The following TTC17 variants were observed in gnomAD, a reference collection of about 807,000 sequenced individuals.
TTC17 encodes tetratricopeptide repeat protein 17.
In TTC17, 58 loss-of-function variants were observed where a neutral mutation model predicts 143.8. That is an observed-to-expected ratio of 0.40 (90% CI 0.33 to 0.50). The LOEUF (loss-of-function observed/expected upper bound fraction) is 0.50, where lower values mean the gene tolerates loss of function less well. Among genes scored for constraint, TTC17 ranks in the 20% least tolerant of loss-of-function variants. TTC17 has a pLI of 0.49. For synonymous variants in TTC17, 501 were observed against 497.8 expected, an observed-to-expected ratio of 1.01 and a Z score of -0.09; for missense variants, 1,273 against 1,392.5, an observed-to-expected ratio of 0.91 and a Z score of 1.37.
intron 1 of TTC17, among the ~76,000 whole-genome samples, chr11:43,370,832 A>T (rs1421511239): frequency 6.9e-6 from 1 of 145,982 alleles, no homozygotes; most frequent in Non-Finnish European, 1.5e-5. Flanking sequence ...TTGTTTTAAG[A>T]TGGAGTCTCT....
chr11:43,407,052 A>G (rs901817991), intron 13 of TTC17, 86 bp from the exon 14 acceptor site: 15 of 706,900 alleles, frequency 2.1e-5, no homozygotes, highest in Non-Finnish European at 3.4e-5. Flanking sequence ...TGAGGAGCTT[A>G]AGAAAAGACT....
intron 1 of TTC17, among the ~76,000 whole-genome samples, chr11:43,367,558 G>T (rs543097415): frequency 6.6e-6 from 1 of 152,152 alleles, no homozygotes; most frequent in Non-Finnish European, 1.5e-5. Flanking sequence ...AACAGAAGGC[G>T]CTCTGATAGT....
At chr11:43,364,068 T>TG in intron 1 of TTC17, among the ~76,000 whole-genome samples, 1 of 146,788 alleles carries the variant, frequency 6.8e-6, no homozygotes, top group Non-Finnish European at 1.5e-5. Flanking sequence ...TTTTTTTTTT[T>TG]TTTTTGAGAC....
At chr11:43,389,479 C>G (rs1857296344) in intron 2 of TTC17, among the ~76,000 whole-genome samples, 173 bp from the exon 3 acceptor site, 1 of 152,124 alleles carries the variant, frequency 6.6e-6, no homozygotes, top group African/African-American at 2.4e-5. Flanking sequence ...ATGTGGACAT[C>G]TTTTTTGAGA....
At chr11:43,476,463 T>C (rs1002065767) in intron 21 of TTC17, among the ~76,000 whole-genome samples, 1 of 152,214 alleles carries the variant, frequency 6.6e-6, no homozygotes, top group East Asian at 1.9e-4. Flanking sequence ...GATAAAGACA[T>C]ACCTGAAACT....
In TTC17 at chr11:43,407,465, T is replaced by G; in HGVS notation, c.1952T>G (p.Leu651Arg). Residue 651 changes from leucine to arginine, a missense_variant, in exon 15 of 24, where the codon CTT becomes CGT. By Grantham distance (102) the Leu-to-Arg change is moderately radical (BLOSUM62 -2). This residue lies in a region of TTC17 where 878 missense variants were observed against 899.8 expected (regional missense o/e 0.98). Transcript: ENST00000039989. The stretch of plus-strand genomic sequence containing the variant: ...CAGAGGGCTTTGAATTTAGCTCCAC[T>G]TCAATACCAAGATGTTCCTCTTGTC... ...CLQRALNLAP[L>R]QYQDVPLVNL... 6.2e-7 allele frequency: 1 copy of G among 1,614,050 alleles called. No individual in the cohort carries two copies. The highest frequency in any genetic ancestry group is 8.5e-7 in the Non-Finnish European group (1 of 1,179,978).
At chr11:43,371,264 C>T (rs1393510143) in intron 1 of TTC17, among the ~76,000 whole-genome samples, 1 of 152,184 alleles carries the variant, frequency 6.6e-6, no homozygotes, top group East Asian at 1.9e-4. Context: ...ACATTGTCTA[C>T]CTGGCAGTGG....
At chr11:43,406,491 A>G (rs1411763734) in intron 13 of TTC17, among the ~76,000 whole-genome samples, 1 of 152,212 alleles carries the variant, frequency 6.6e-6, no homozygotes, top group African/African-American at 2.4e-5. Flanking sequence ...GTATATTACC[A>G]TATTAGATAT....
chr11:43,364,746 G>T (rs1184176859), intron 1 of TTC17, among the ~76,000 whole-genome samples: 1 of 152,146 alleles, frequency 6.6e-6, no homozygotes, highest in Admixed American at 6.5e-5. Context: ...GCTTGGAAAT[G>T]TACAGAAATA....
intron 21 of TTC17, among the ~76,000 whole-genome samples, chr11:43,459,950 G>A (rs909101565): frequency 1.3e-5 from 2 of 152,160 alleles, no homozygotes; most frequent in Non-Finnish European, 2.9e-5. Context: ...TAGGTTACGT[G>A]TACTATTCAA....
intron 16 of TTC17, among the ~76,000 whole-genome samples, chr11:43,434,108 G>C (rs918501170): frequency 6.6e-6 from 1 of 151,400 alleles, no homozygotes; most frequent in African/African-American, 2.4e-5. Flanking sequence ...GGAGAATCTG[G>C]AGAAAGAAAG....
At chr11:43,466,754 C>A (rs1052746722) in intron 21 of TTC17, 2 of 310,820 alleles carry the variant, frequency 6.4e-6, no homozygotes, top group Admixed American at 6.6e-5. Flanking sequence ...GGTGGGATGG[C>A]AAGCATGTGA....
At chr11:43,462,066 TAAG>T (rs1261277054) in intron 21 of TTC17, among the ~76,000 whole-genome samples, 1 of 145,556 alleles carries the variant, frequency 6.9e-6, no homozygotes, top group Non-Finnish European at 1.5e-5. Context: ...CTGTGTAACT[TAAG>T]AATTAAATGT....
At chr11:43,366,753 C>G (rs930511534) in intron 1 of TTC17, among the ~76,000 whole-genome samples, 4 of 152,112 alleles carry the variant, frequency 2.6e-5, no homozygotes, top group African/African-American at 4.8e-5. Flanking sequence ...TGACCTGGCC[C>G]TTCCTCTCTA....
chr11:43,366,869 ACTT>A lies in TTC17; in HGVS notation c.159+7762_159+7764del, dbSNP rs1271848354. On this transcript the variant is annotated intron_variant, in intron 1 of 23. Coordinates refer to ENST00000039989, the MANE Select transcript of TTC17 (RefSeq NM_018259.6). The stretch of plus-strand genomic sequence containing the variant: ...GCATCCCCAAATATGCCGTGTTCTC[ACTT>A]CTTCTGGGCCTTTGCATATGTTGTT... Among the ~76,000 whole-genome samples the A allele has an allele frequency of 3.9e-5, 6 of 152,056 alleles. 2 individuals carry two copies. Among genetic ancestry groups the A allele is most frequent in the Admixed American group, 3.9e-4 (6 of 15,260 alleles).
chr11:43,367,256 C>T (rs1856380291), intron 1 of TTC17, among the ~76,000 whole-genome samples: 1 of 152,188 alleles, frequency 6.6e-6, no homozygotes, highest in African/African-American at 2.4e-5. Context: ...GCCATAATTT[C>T]AGAGATCATT....
At position 43,414,727 on chromosome 11, in the gene TTC17, T is replaced by C. The variant is rs1359318790; in HGVS notation, c.2202T>C (p.Cys734=). Residue 734 remains cysteine (C), a synonymous_variant, in exon 16 of 24, where the codon TGT becomes TGC. Coordinates refer to ENST00000039989, the MANE Select transcript of TTC17 (RefSeq NM_018259.6). The part of the protein sequence containing the change: ...ECENSLKLIR[C]MQFYPFLYNI... Reference sequence around the variant, plus strand: ...AAAACAGCCTGAAGTTGATCCGCTGTATGCAGTTTTATCCTTTTCTGTACA... The same window carrying C: ...AAAACAGCCTGAAGTTGATCCGCTGCATGCAGTTTTATCCTTTTCTGTACA... 2 of 1,613,712 alleles carry C rather than the reference T, an allele frequency of 1.2e-6. No homozygotes were observed. The highest frequency in any genetic ancestry group is 8.5e-7 in the Non-Finnish European group (1 of 1,179,774).
intron 21 of TTC17, among the ~76,000 whole-genome samples, chr11:43,460,589 C>G (rs1947846831): frequency 6.6e-6 from 1 of 152,220 alleles, no homozygotes; most frequent in Admixed American, 6.5e-5. Context: ...TTCTGCCTAA[C>G]AAATCACCCC....
At chr11:43,385,878 TAAA>T (rs1445655233) in intron 2 of TTC17, among the ~76,000 whole-genome samples, 84 of 151,572 alleles carry the variant, frequency 5.5e-4, no homozygotes, top group Non-Finnish European at 1.9e-4. Context: ...ATTGTTTATT[TAAA>T]AAATAAACCA....
Sources: gnomAD v4.1 joint callset for allele counts (sites outside exome capture counted in the v4.1 genomes callset) on GRCh38, gnomAD v4.1.1 for gene constraint, gnomAD v4.1.1 regional missense constraint, MANE v1.5 for transcripts, NCBI Gene and HGNC (gene_info 2026-07-23, HGNC 2026-07-21) for gene names.